CDH4: variants seen among roughly 807,000 people sequenced by gnomAD.
CDH4 encodes the protein cadherin-4.
Under a neutral mutation model 86.0 loss-of-function variants are expected in CDH4, and 33 were observed. That is an observed-to-expected ratio of 0.38 (90% CI 0.29 to 0.51). The LOEUF is 0.51. Ranked by LOEUF, CDH4 falls within the 20% of genes least tolerant of loss-of-function variation. CDH4 has a pLI of 0.86. For synonymous variants in CDH4, 555 were observed against 549.4 expected (o/e 1.01, Z -0.14); for missense variants, 1,114 against 1,307.4 (o/e 0.85, Z 2.28).
At chr20:61,500,284 C>A (rs1459583204) in intron 2 of CDH4, among the ~76,000 whole-genome samples, 3 of 152,228 alleles carry the variant, frequency 2.0e-5, no homozygotes, top group Non-Finnish European at 1.5e-5. Flanking sequence ...AAAGGATGGG[C>A]ACCAAGGCAG....
intron 2 of CDH4, among the ~76,000 whole-genome samples, chr20:61,386,188 T>C (rs1354531444): frequency 6.6e-6 from 1 of 152,118 alleles, no homozygotes; most frequent in African/African-American, 2.4e-5. Flanking sequence ...TGCTGTTCGT[T>C]GTTGGGGAGG....
intron 4 of CDH4, among the ~76,000 whole-genome samples, chr20:61,781,882 C>G (rs929974984): frequency 4.6e-5 from 7 of 152,184 alleles, no homozygotes. Flanking sequence ...TGCAATATGT[C>G]CGGGGCAGCA....
At position 61,743,760 on chromosome 20, in the gene CDH4, C is replaced by G. The variant is rs1399538599; in HGVS notation, c.367C>G (p.Gln123Glu). 1.2e-6 allele frequency: 2 copies of G among 1,607,476 alleles called. No individual in the cohort carries two copies. The highest frequency in any genetic ancestry group is 1.7e-6 in the Non-Finnish European group (2 of 1,177,398). Residue 123 changes from glutamine to glutamate, a missense_variant, in exon 3 of 16, where the codon CAG becomes GAG. Gln to Glu is a conservative substitution (Grantham distance 29). Coordinates refer to ENST00000614565, the MANE Select transcript of CDH4 (RefSeq NM_001794.5). ...WDAVVRLLVA[Q>E]TSSPHSGHKP... Reference sequence around the variant, plus strand: ...CGCCGTGGTGCGGTTGCTGGTGGCCCAGACCTCGTCCCCGCACTCTGGACA... The same window carrying G: ...CGCCGTGGTGCGGTTGCTGGTGGCCGAGACCTCGTCCCCGCACTCTGGACA...
chr20:61,741,355 C>T (rs1246780005), intron 2 of CDH4, among the ~76,000 whole-genome samples: 4 of 152,232 alleles, frequency 2.6e-5, no homozygotes, highest in African/African-American at 4.8e-5. Context: ...CGGCAGGGAA[C>T]GCCTTTCACC....
intron 2 of CDH4, among the ~76,000 whole-genome samples, chr20:61,564,717 A>C (rs188785985): frequency 6.6e-6 from 1 of 152,182 alleles, no homozygotes; most frequent in African/African-American, 2.4e-5. Flanking sequence ...GAACGGAGTA[A>C]CACATGTAGA....
rs141323415 is a variant in CDH4 at position 61,729,315 on chromosome 20, T to C, written c.170-14248T>C. ...AGTGGGCACCAGTAGGACTGGCTAA[T>C]GAGGCGCTCACAGCTCAGTTTCTAC... On this transcript the variant is annotated intron_variant, in intron 2 of 15. Transcript: ENST00000614565. 1.2e-4 allele frequency among the ~76,000 whole-genome samples: 19 copies of C among 152,328 alleles called. No individual in the cohort carries two copies. In the East Asian group the frequency reaches 3.1e-3, roughly 25 times the overall value.
intron 4 of CDH4, among the ~76,000 whole-genome samples, chr20:61,804,283 G>A (rs1980003003): frequency 6.6e-6 from 1 of 152,216 alleles, no homozygotes; most frequent in Non-Finnish European, 1.5e-5. Context: ...CACCAGACGG[G>A]TGTCACCAGC....
intron 2 of CDH4, among the ~76,000 whole-genome samples, chr20:61,315,069 C>T (rs756055424): frequency 2.0e-5 from 3 of 152,146 alleles, no homozygotes; most frequent in East Asian, 1.9e-4. Context: ...GGTCTAAACA[C>T]GAAAGCCTCC....
chr20:61,418,209 C>CT (rs11475784), intron 2 of CDH4, among the ~76,000 whole-genome samples: 49 of 134,726 alleles, frequency 3.6e-4, no homozygotes, highest in Admixed American at 4.4e-4. Context: ...TCTTTTTTTT[C>CT]TTTTTTTTTT....
chr20:61,728,246 G>A (rs1230760975), intron 2 of CDH4, among the ~76,000 whole-genome samples: 1 of 152,198 alleles, frequency 6.6e-6, no homozygotes. Context: ...ATAACCACCT[G>A]TTTATGAGTA....
At chr20:61,451,391 T>C (rs1969973) in intron 2 of CDH4, among the ~76,000 whole-genome samples, 95,515 of 152,062 alleles carry the variant, frequency 0.63, 30,864 homozygotes, top group African/African-American at 0.78. Flanking sequence ...TGTTGCTTAC[T>C]TGAAGCCACA....
At chr20:61,742,441 T>G (rs1356114584) in intron 2 of CDH4, among the ~76,000 whole-genome samples, 2 of 152,206 alleles carry the variant, frequency 1.3e-5, no homozygotes, top group African/African-American at 4.8e-5. Flanking sequence ...CAGGCAACAG[T>G]AAAAGGTGAA....
At chr20:61,615,742 T>C (rs1232918069) in intron 2 of CDH4, among the ~76,000 whole-genome samples, 3 of 152,212 alleles carry the variant, frequency 2.0e-5, no homozygotes, top group Admixed American at 6.5e-5. Flanking sequence ...ATTAATGATT[T>C]CTATGAAATC....
At chr20:61,701,672 C>G (rs2087777811) in intron 2 of CDH4, among the ~76,000 whole-genome samples, 1 of 152,238 alleles carries the variant, frequency 6.6e-6, no homozygotes, top group Admixed American at 6.5e-5. Context: ...AAGGAACGGA[C>G]TCACCAGGCA....
At chr20:61,296,717 G>A (rs926955226) in intron 2 of CDH4, among the ~76,000 whole-genome samples, 5 of 152,164 alleles carry the variant, frequency 3.3e-5, no homozygotes, top group African/African-American at 1.2e-4. Context: ...GCGTGTTCTG[G>A]AAGGCCAGAC....
intron 2 of CDH4, among the ~76,000 whole-genome samples, chr20:61,334,535 G>T (rs75176271): frequency 0.03 from 4,610 of 152,250 alleles, 222 homozygotes; most frequent in African/African-American, 0.1. Flanking sequence ...CCAGCAGTTC[G>T]GCATCTGTTC....
intron 2 of CDH4, among the ~76,000 whole-genome samples, chr20:61,596,992 G>A (rs1018867866): frequency 1.5e-4 from 23 of 152,352 alleles, no homozygotes; most frequent in African/African-American, 5.5e-4. Context: ...TGAGGTAGGA[G>A]CATCTTTATT....
At chr20:61,276,096 A>T (rs1422745187) in intron 2 of CDH4, among the ~76,000 whole-genome samples, 1 of 152,220 alleles carries the variant, frequency 6.6e-6, no homozygotes, top group Admixed American at 6.5e-5. Context: ...TTTGCTATTT[A>T]AAAAATAAGT....
chr20:61,504,969 C>T (rs940505337), intron 2 of CDH4, among the ~76,000 whole-genome samples: 4 of 152,184 alleles, frequency 2.6e-5, no homozygotes, highest in African/African-American at 4.8e-5. Context: ...CCACTCAAAG[C>T]GCTGCAAATG....
Sources: allele counts gnomAD v4.1 joint callset (sites outside exome capture counted in the v4.1 genomes callset), GRCh38; gene constraint gnomAD v4.1.1; transcripts MANE v1.5; gene names NCBI Gene and HGNC (gene_info 2026-07-23, HGNC 2026-07-21).